KRT23: variants seen among roughly 807,000 people sequenced by gnomAD.
The protein encoded by KRT23 is keratin 23.
KRT23 carries 38 observed loss-of-function variants against 47.6 expected under a neutral mutation model. That is an observed-to-expected ratio of 0.80 (90% confidence interval 0.62 to 1.05). The LOEUF is 1.05. Ranked by LOEUF, KRT23 falls within the 50% of genes least tolerant of loss-of-function variation. KRT23 has a pLI of 0.00. For synonymous variants in KRT23, 191 were observed against 199.0 expected (o/e 0.96, Z 0.34); for missense variants, 503 against 529.5 (o/e 0.95, Z 0.49).
At position 40,930,772 on chromosome 17, in the gene KRT23, CAAATAAAT is replaced by C. The variant is rs144851372; in HGVS notation, c.479+593_479+600del. On this transcript the variant is annotated intron_variant, in intron 3 of 8. Transcript: ENST00000209718. ...AGCAAGACTCCGTCTCAAAAATAAACAAATAAATAAATAAATAAATAAATAAATAAAAT... is the reference window on the plus strand; with the variant it reads ...AGCAAGACTCCGTCTCAAAAATAAACAAATAAATAAATAAATAAATAAAAT... 9.2e-3 allele frequency among the ~76,000 whole-genome samples: 1,364 copies of C among 149,012 alleles called. 27 individuals carry two copies. The highest frequency in any genetic ancestry group is 0.031 in the African/African-American group (1,259 of 40,460).
In KRT23 at chr17:40,935,496, C is replaced by T. The variant is rs570165279; in HGVS notation, c.396+712G>A. ...TTTTTTGAGGTTTGGTTAAAGAGTT[C>T]GGTTTTTTTTGAACAAGGTCTTTAT... is the stretch of plus-strand genomic sequence containing the variant. On this transcript the variant is annotated intron_variant, in intron 2 of 8. Coordinates refer to ENST00000209718, the MANE Select transcript of KRT23 (RefSeq NM_015515.5). Among the ~76,000 whole-genome samples the T allele has an allele frequency of 1.1e-4, 16 of 152,152 alleles. No individual in the cohort carries two copies. The East Asian group carries it at 2.3e-3, about 22-fold the overall frequency.
At chr17:40,931,999 C>T (rs1007756042) in intron 2 of KRT23, among the ~76,000 whole-genome samples, 4 of 152,102 alleles carry the variant, frequency 2.6e-5, no homozygotes, top group African/African-American at 9.7e-5. Flanking sequence ...CTTGTGATAG[C>T]AATCATGTTT....
At chr17:40,929,598 C>T in intron 4 of KRT23, 3 of 216,424 alleles carry the variant, frequency 1.4e-5, no homozygotes, top group Non-Finnish European at 2.7e-5. Context: ...TATATTGTCC[C>T]CTAACTTGCT....
intron 2 of KRT23, among the ~76,000 whole-genome samples, chr17:40,933,544 T>C (rs8073200): frequency 0.45 from 68,319 of 152,012 alleles, 16,116 homozygotes; most frequent in East Asian, 0.72. Flanking sequence ...AATCAGAAAA[T>C]CAAAAATACT....
intron 3 of KRT23, 79 bp from the exon 4 acceptor site, chr17:40,930,175 G>T: frequency 7.4e-7 from 1 of 1,353,592 alleles, no homozygotes; most frequent in South Asian, 1.3e-5. Context: ...TCATTTAGAG[G>T]TGAATCTTTT....
rs116622277 is a variant in KRT23, at chr17:40,932,796, T to C, written c.397-1341A>G. ...CCTATTTAAAGCTCCACTGATCCCA[T>C]GGAATTTGGTATCATGAATGCACAA... is the stretch of plus-strand genomic sequence containing the variant. On this transcript the variant is annotated intron_variant, in intron 2 of 8. Coordinates refer to ENST00000209718, the MANE Select transcript of KRT23 (RefSeq NM_015515.5). Among the ~76,000 whole-genome samples the C allele has an allele frequency of 6.6e-3, 1,007 of 152,270 alleles. 11 individuals carry two copies. The highest frequency in any genetic ancestry group is 0.023 in the African/African-American group (945 of 41,552).
At chr17:40,927,530 G>A (rs755336333) in intron 6 of KRT23, among the ~76,000 whole-genome samples, 2 of 152,132 alleles carry the variant, frequency 1.3e-5, no homozygotes, top group African/African-American at 2.4e-5. Context: ...GGGTAGAATC[G>A]CACTTGGCAA....
chr17:40,931,476 CA>C (rs1909679957), intron 2 of KRT23, 21 bp from the exon 3 acceptor site: 1 of 1,585,012 alleles, frequency 6.3e-7, no homozygotes, highest in East Asian at 2.2e-5. Flanking sequence ...TGCACAAAAG[CA>C]CAAAAGGTTA....
rs746484267 is a variant in KRT23, at chr17:40,936,491, G to A, written c.113C>T (p.Ala38Val). 1.0e-5 allele frequency: 16 copies of A among 1,562,394 alleles called. No homozygotes were observed. The highest frequency in any genetic ancestry group is 1.9e-5 in the Admixed American group (1 of 53,834). The part of the protein sequence containing the change: ...FPRAPTVHGG[A>V]GGARISLSFT... ...GGACAGGGAGATGCGGGCTCCCCCC[G>A]CACCGCCATGGACGGTGGGAGCCCT... The change falls in exon 2 of 9, where the codon GCG becomes GTG. Residue 38 changes from alanine to valine, a missense_variant. By Grantham distance (64) the Ala-to-Val change is moderately conservative. Coordinates refer to ENST00000209718, the MANE Select transcript of KRT23 (RefSeq NM_015515.5).
At chr17:40,936,154 G>C in intron 2 of KRT23, 54 bp downstream of exon 2, 3 of 1,599,684 alleles carry the variant, frequency 1.9e-6, no homozygotes, top group Non-Finnish European at 2.6e-6. Flanking sequence ...TCCTCCCGAG[G>C]GTCCCCTGGC....
rs570803610 is a variant in KRT23 at position 40,922,972 on chromosome 17, G to T, written c.*17C>A. ...GGGGAAAATAGATTTTACAACAGGC[G>T]GAAACTTTCATTGGTCTCATGCGTG... On this transcript the variant is annotated 3_prime_UTR_variant, in exon 9 of 9. Transcript: ENST00000209718. 1 of 1,587,926 alleles carries T rather than the reference G, an allele frequency of 6.3e-7. No homozygotes were observed. The highest frequency in any genetic ancestry group is 2.2e-5 in the East Asian group (1 of 44,716).
chr17:40,937,017 T>TA (rs1299537051), intron 1 of KRT23, 64 bp from the exon 2 acceptor site: 36 of 170,394 alleles, frequency 2.1e-4, no homozygotes, highest in East Asian at 4.8e-4. Context: ...TAGATTTCCT[T>TA]AAAAAAAACC....
rs77280105 is a variant in KRT23 at position 40,924,067 on chromosome 17, A to C, written c.1174+405T>G. Among the ~76,000 whole-genome samples, 315 of 152,342 alleles carry C rather than the reference A, an allele frequency of 2.1e-3. 2 individuals carry two copies. Among genetic ancestry groups the C allele is most frequent in the African/African-American group, 7.2e-3 (299 of 41,586 alleles). On this transcript the variant is annotated intron_variant, in intron 8 of 8. Coordinates refer to ENST00000209718, the MANE Select transcript of KRT23 (RefSeq NM_015515.5). ...GTCCAAGAAGAGGATCATGGCACACAGTATTTCTAACCTTATCTGGCCATA... is the reference window on the plus strand; with the variant it reads ...GTCCAAGAAGAGGATCATGGCACACCGTATTTCTAACCTTATCTGGCCATA...
At position 40,925,420 on chromosome 17, in the gene KRT23, C is replaced by T; in HGVS notation, c.1076G>A (p.Gly359Asp). Reference protein sequence around the residue: ...RQNNEYQVLLGIKTHLEKEIT... With the variant: ...RQNNEYQVLLDIKTHLEKEIT... ...TTCCTTCTCCAGGTGGGTTTTGATG[C>T]CCAGCAGCACTTGGTATTCATTGTT... is the stretch of plus-strand genomic sequence containing the variant. The change falls in exon 7 of 9, where the codon GGC becomes GAC. Residue 359 changes from glycine (G) to aspartate (D), a missense_variant. By Grantham distance (94) the Gly-to-Asp change is moderately conservative (BLOSUM62 -1). Coordinates refer to ENST00000209718, the MANE Select transcript of KRT23 (RefSeq NM_015515.5). 1.2e-6 allele frequency: 2 copies of T among 1,614,046 alleles called. No individual in the cohort carries two copies. The highest frequency in any genetic ancestry group is 2.7e-5 in the African/African-American group (2 of 75,038).
At chr17:40,929,795 T>A (rs1909518187) in intron 4 of KRT23, 145 bp downstream of exon 4, 1 of 606,730 alleles carries the variant, frequency 1.6e-6, no homozygotes, top group African/African-American at 1.8e-5. Flanking sequence ...ACATTAGATA[T>A]TTGTATGTTT....
In KRT23 at chr17:40,931,388, T is replaced by C. The variant is rs1909669499; in HGVS notation, c.464A>G (p.Asp155Gly). The C allele has an allele frequency of 1.2e-6, 2 of 1,610,816 alleles. No individual in the cohort carries two copies. The highest frequency in any genetic ancestry group is 3.3e-5 in the Admixed American group (2 of 60,006). Residue 155 changes from aspartate to glycine, a missense_variant, in exon 3 of 9, where the codon GAT becomes GGT. Transcript: ENST00000209718. Reference sequence around the variant, plus strand: ...AGGAACTTACTTGAGGTTGAAGTCATCCACTGCCATCCTGGCATTGTCAAT... The same window carrying C: ...AGGAACTTACTTGAGGTTGAAGTCACCCACTGCCATCCTGGCATTGTCAAT... ...LLIDNARMAV[D>G]DFNLKYENEH...
intron 2 of KRT23, among the ~76,000 whole-genome samples, chr17:40,932,176 A>G (rs1909742050): frequency 6.6e-6 from 1 of 152,224 alleles, no homozygotes; most frequent in Non-Finnish European, 1.5e-5. Context: ...CTATTAAAAT[A>G]TTAACTGAAA....
intron 4 of KRT23, among the ~76,000 whole-genome samples, chr17:40,929,317 C>T (rs565033614): frequency 1.3e-5 from 2 of 152,346 alleles, no homozygotes; most frequent in East Asian, 1.9e-4. Flanking sequence ...GTAGGGCTGA[C>T]GCCCATAGGA....
Position 40,922,858 on chromosome 17 carries a change from GA to G in KRT23, c.*130del, listed in dbSNP as rs796246628. On this transcript the variant is annotated 3_prime_UTR_variant, in exon 9 of 9. Coordinates refer to ENST00000209718, the MANE Select transcript of KRT23 (RefSeq NM_015515.5). ...TGAGAAGTCTGGTGAGACTGTTACA[GA>G]AAAAAAAAATAAAAGTTTCTGAGTC... The G allele has an allele frequency of 4.6e-4, 276 of 593,678 alleles. No individual in the cohort carries two copies. Among genetic ancestry groups the G allele is most frequent in the South Asian group, 7.2e-4 (33 of 45,574 alleles). The allele number at this position is 593,678 out of a possible 1,614,324, so 36.8% of individuals were successfully genotyped here. A position where few individuals can be genotyped will look rare whatever the true frequency, so the allele number is the denominator to read the frequency against.
Sources: allele counts gnomAD v4.1 joint callset (sites outside exome capture counted in the v4.1 genomes callset), GRCh38; gene constraint gnomAD v4.1.1; transcripts MANE v1.5; gene names NCBI Gene and HGNC (gene_info 2026-07-23, HGNC 2026-07-21).